Variants in C1QTNF7 observed in about 807,000 individuals in gnomAD.
The protein encoded by C1QTNF7 is C1q and TNF related 7.
A neutral mutation model predicts 19.6 loss-of-function variants in C1QTNF7; 15 were observed. The ratio of observed to expected loss-of-function variants is 0.76; its 90% CI spans 0.51 to 1.18. The LOEUF is 1.18. Among genes scored for constraint, C1QTNF7 ranks in the 50% most tolerant of loss-of-function variants. The pLI, the probability that C1QTNF7 is intolerant of heterozygous loss-of-function variation, is 0.00. For missense variants in C1QTNF7, 324 were observed against 359.7 expected (o/e 0.90, Z 0.80); for synonymous variants, 142 against 137.5 (o/e 1.03, Z -0.23).
intron 1 of C1QTNF7, among the ~76,000 whole-genome samples, chr4:15,430,661 G>A (rs553550073): frequency 5.7e-4 from 87 of 152,260 alleles, no homozygotes; most frequent in African/African-American, 2.0e-3. Flanking sequence ...TTATTGTAAT[G>A]TTTATGAAAT....
At chr4:15,387,214 C>G (rs115447782) in intron 1 of C1QTNF7, among the ~76,000 whole-genome samples, 1 of 152,038 alleles carries the variant, frequency 6.6e-6, no homozygotes, top group African/African-American at 2.4e-5. Flanking sequence ...ATTATTGAGA[C>G]GAGGAAGTGT....
intron 1 of C1QTNF7, among the ~76,000 whole-genome samples, chr4:15,417,874 G>C (rs937869144): frequency 6.6e-6 from 1 of 152,122 alleles, no homozygotes; most frequent in African/African-American, 2.4e-5. Flanking sequence ...AGAGAGAAGG[G>C]AAGAGGTGCC....
At chr4:15,433,019 G>T (rs556066421) in intron 1 of C1QTNF7, among the ~76,000 whole-genome samples, 7 of 152,066 alleles carry the variant, frequency 4.6e-5, no homozygotes, top group Non-Finnish European at 8.8e-5. Flanking sequence ...GTGACTATTG[G>T]CATAGTTAGG....
At chr4:15,437,185 A>C (rs1438076536) in intron 2 of C1QTNF7, among the ~76,000 whole-genome samples, 4 of 152,136 alleles carry the variant, frequency 2.6e-5, no homozygotes, top group Non-Finnish European at 5.9e-5. Context: ...TATTGCTTTT[A>C]GTTTACTGGG....
chr4:15,442,862 A>G lies in C1QTNF7; in HGVS notation c.*63A>G. The G allele has an allele frequency of 1.4e-6, 2 of 1,465,146 alleles. No homozygotes were observed. Among genetic ancestry groups the G allele is most frequent in the South Asian group, 2.7e-5 (2 of 73,448 alleles). The allele number at this position is 1,465,146 out of a possible 1,614,324, so 90.8% of individuals were successfully genotyped here. The stretch of plus-strand genomic sequence containing the variant: ...ATCTGGGGTTCCAGAAGGTGGAACA[A>G]GCAGGAATGGGATCCAAAGAGACTC... On this transcript the variant is annotated 3_prime_UTR_variant, in exon 3 of 3. Coordinates refer to ENST00000444304, the MANE Select transcript of C1QTNF7 (RefSeq NM_031911.5).
intron 1 of C1QTNF7, among the ~76,000 whole-genome samples, chr4:15,378,493 G>A (rs1353132716): frequency 6.6e-6 from 1 of 152,070 alleles, no homozygotes; most frequent in Non-Finnish European, 1.5e-5. Context: ...TCAATGTTCT[G>A]GGCTTTTTCA....
upstream of C1QTNF7, chr4:15,427,772 T>C (rs1712118920): frequency 1.3e-5 from 2 of 152,222 alleles, no homozygotes; most frequent in African/African-American, 4.8e-5. Flanking sequence ...AAAAATTAAG[T>C]AAACAAATCT....
At chr4:15,416,532 G>A (rs1719614472) in intron 1 of C1QTNF7, among the ~76,000 whole-genome samples, 1 of 152,178 alleles carries the variant, frequency 6.6e-6, no homozygotes. Context: ...GCAGGATACA[G>A]GGGCCTCTCA....
chr4:15,408,153 G>A (rs1402893486), intron 1 of C1QTNF7, among the ~76,000 whole-genome samples: 1 of 151,104 alleles, frequency 6.6e-6, no homozygotes, highest in African/African-American at 2.4e-5. Context: ...CACGCCTGTA[G>A]TCCCAGCTAC....
At chr4:15,436,950 C>T (rs952232334) in intron 2 of C1QTNF7, among the ~76,000 whole-genome samples, 17 of 152,194 alleles carry the variant, frequency 1.1e-4, no homozygotes, top group African/African-American at 3.4e-4. Flanking sequence ...ATTTGCCATG[C>T]GGATAATATC....
intron 1 of C1QTNF7, among the ~76,000 whole-genome samples, chr4:15,349,722 G>GTCAAGGT (rs563734507): frequency 4.2e-4 from 64 of 152,254 alleles, no homozygotes; most frequent in African/African-American, 1.5e-3. Context: ...CTTGACCCGG[G>GTCAAGGT]TCTTGCCTTG....
chr4:15,367,169 C>T (rs1717556296), intron 1 of C1QTNF7, among the ~76,000 whole-genome samples: 1 of 152,140 alleles, frequency 6.6e-6, no homozygotes, highest in East Asian at 1.9e-4. Context: ...CAATCCAAAT[C>T]TTAAAATTAG....
At position 15,360,951 on chromosome 4, in the gene C1QTNF7, TA is replaced by T. The variant is rs551108635; in HGVS notation, c.13+20746del. Reference sequence around the variant, plus strand: ...TAGGTAGGTTTATATCTAACACCTATAAGAGGACACCATAGTAACCTCTGTA... The same window carrying T: ...TAGGTAGGTTTATATCTAACACCTATAGAGGACACCATAGTAACCTCTGTA... On this transcript the variant is annotated intron_variant, in intron 1 of 2. Coordinates refer to the C1QTNF7 transcript ENST00000295297. Among the ~76,000 whole-genome samples the T allele has an allele frequency of 6.9e-3, 1,056 of 152,318 alleles. 5 individuals are homozygous for T. The highest frequency in any genetic ancestry group is 0.012 in the Non-Finnish European group (821 of 68,028).
upstream of C1QTNF7, among the ~76,000 whole-genome samples, chr4:15,423,498 T>C (rs1211293250): frequency 6.6e-6 from 1 of 152,232 alleles, no homozygotes; most frequent in Non-Finnish European, 1.5e-5. Flanking sequence ...AACTGAGTCA[T>C]TTCAGCTGGT....
At chr4:15,370,615 A>C (rs1717686695) in intron 1 of C1QTNF7, among the ~76,000 whole-genome samples, 1 of 152,186 alleles carries the variant, frequency 6.6e-6, no homozygotes, top group African/African-American at 2.4e-5. Flanking sequence ...AGATACTATA[A>C]ACTTACATTC....
At chr4:15,398,816 T>TA (rs1718881304) in intron 1 of C1QTNF7, among the ~76,000 whole-genome samples, 1 of 152,166 alleles carries the variant, frequency 6.6e-6, no homozygotes, top group African/African-American at 2.4e-5. Flanking sequence ...TGAAAGGAAG[T>TA]AAAGTATACT....
intron 1 of C1QTNF7, among the ~76,000 whole-genome samples, chr4:15,341,527 GT>G (rs1716537111): frequency 6.6e-6 from 1 of 152,158 alleles, no homozygotes; most frequent in Non-Finnish European, 1.5e-5. Context: ...GACACCATTA[GT>G]TGCCTCTCTC....
At position 15,445,892 on chromosome 4, in the gene C1QTNF7, A is replaced by G. The variant is rs1051992934; in HGVS notation, c.*3093A>G. On this transcript the variant is annotated 3_prime_UTR_variant, in exon 3 of 3. Transcript: ENST00000444304. ...AAGATATAAAAAGAAAACAGCAGTC[A>G]AAAGCAGATGAGAAGAAATGGGAAA... 2.0e-5 allele frequency: 3 copies of G among 152,246 alleles called. No homozygotes were observed. Among genetic ancestry groups the G allele is most frequent in the African/African-American group, 4.8e-5 (2 of 41,460 alleles). The allele number at this position is 152,246 out of a possible 1,614,324, so 9.4% of individuals were successfully genotyped here.
intron 1 of C1QTNF7, among the ~76,000 whole-genome samples, chr4:15,392,216 G>A (rs1718584834): frequency 6.6e-6 from 1 of 152,072 alleles, no homozygotes; most frequent in Non-Finnish European, 1.5e-5. Flanking sequence ...TCCAGGTATC[G>A]AGAAAAGAGA....
Sources: gnomAD v4.1 joint callset for allele counts (sites outside exome capture counted in the v4.1 genomes callset) on GRCh38, gnomAD v4.1.1 for gene constraint, MANE v1.5 for transcripts, NCBI Gene and HGNC (gene_info 2026-07-23, HGNC 2026-07-21) for gene names.